Variants in ELMOD2 observed in about 807,000 individuals in gnomAD.
The protein encoded by ELMOD2 is ELMO domain-containing protein 2.
ELMOD2 carries 28 observed loss-of-function variants against 41.0 expected under a neutral mutation model. The observed-to-expected ratio is 0.68, with a 90% CI of 0.51 to 0.94. The LOEUF is 0.94. ELMOD2 is among the 40% of genes least tolerant of loss of function. ELMOD2 has a pLI of 0.00. For synonymous variants in ELMOD2, 106 were observed against 107.2 expected, an observed-to-expected ratio of 0.99 and a Z score of 0.07; for missense variants, 333 against 343.1, an observed-to-expected ratio of 0.97 and a Z score of 0.23.
At chr4:140,526,447 G>C (rs551179274) in intron 2 of ELMOD2, among the ~76,000 whole-genome samples, 3 of 152,294 alleles carry the variant, frequency 2.0e-5, no homozygotes, top group East Asian at 1.9e-4. Flanking sequence ...CTTCTTTTCA[G>C]CCAGGGTAAG....
Position 140,535,718 on chromosome 4 carries a change from CT to C in ELMOD2, c.172-11del. The C allele has an allele frequency of 1.2e-6, 2 of 1,601,406 alleles. No individual in the cohort carries two copies. Among genetic ancestry groups the C allele is most frequent in the Non-Finnish European group, 1.7e-6 (2 of 1,175,776 alleles). On this transcript the variant is annotated splice_polypyrimidine_tract_variant and intron_variant, in intron 3 of 8. Coordinates refer to ENST00000323570, the MANE Select transcript of ELMOD2 (RefSeq NM_153702.4). Reference sequence around the variant, plus strand: ...CAAAGAATTTTTCTCATTTGGCTTTCTTTTACATAAATAGGTTTTACAGAAG... The same window carrying C: ...CAAAGAATTTTTCTCATTTGGCTTTCTTTACATAAATAGGTTTTACAGAAG...
intron 4 of ELMOD2, among the ~76,000 whole-genome samples, chr4:140,536,440 T>G (rs955147289): frequency 2.6e-5 from 4 of 152,166 alleles, no homozygotes; most frequent in African/African-American, 9.7e-5. Context: ...AGGAGGGAAC[T>G]GAGGATAGTT....
chr4:140,532,166 G>GT (rs56301474), intron 3 of ELMOD2, among the ~76,000 whole-genome samples: 33,320 of 137,564 alleles, frequency 0.24, 3,980 homozygotes, highest in Admixed American at 0.29. Context: ...ATGTTGAGTT[G>GT]TTTTTTTTTT....
At chr4:140,543,686 T>C in intron 8 of ELMOD2, 100 bp downstream of exon 8, 7 of 973,414 alleles carry the variant, frequency 7.2e-6, no homozygotes, top group Non-Finnish European at 9.7e-6. Flanking sequence ...CTGTGAAGTA[T>C]ATAACTTATG....
intron 3 of ELMOD2, among the ~76,000 whole-genome samples, chr4:140,528,510 A>G (rs979468252): frequency 5.3e-5 from 8 of 152,300 alleles, no homozygotes; most frequent in East Asian, 1.9e-4. Flanking sequence ...GGAATTTTTT[A>G]TACTATTATA....
intron 3 of ELMOD2, among the ~76,000 whole-genome samples, chr4:140,528,412 A>G (rs1278453996): frequency 2.6e-5 from 4 of 152,224 alleles, no homozygotes; most frequent in Non-Finnish European, 1.5e-5. Context: ...AAATCCCATA[A>G]TAGAACACAA....
intron 6 of ELMOD2, 111 bp from the exon 7 acceptor site, chr4:140,542,463 C>T (rs1303088286): frequency 1.4e-6 from 1 of 711,944 alleles, no homozygotes; most frequent in East Asian, 2.7e-5. Flanking sequence ...TATCAGGATA[C>T]TCATGGCAAT....
intron 3 of ELMOD2, among the ~76,000 whole-genome samples, chr4:140,535,137 TTC>T (rs10526729): frequency 0.016 from 2,265 of 141,450 alleles, 52 homozygotes; most frequent in African/African-American, 0.052. Flanking sequence ...ATCTGTTTCT[TTC>T]TCTCTCTCTC....
intron 6 of ELMOD2, among the ~76,000 whole-genome samples, chr4:140,541,704 C>T (rs1481372807): frequency 1.3e-5 from 2 of 151,992 alleles, no homozygotes; most frequent in East Asian, 3.8e-4. Flanking sequence ...TCCTGGATTC[C>T]CCTTCATTCA....
chr4:140,543,944 T>C (rs1449771760), intron 8 of ELMOD2, among the ~76,000 whole-genome samples: 1 of 152,142 alleles, frequency 6.6e-6, no homozygotes, highest in African/African-American at 2.4e-5. Flanking sequence ...CAGATTATTT[T>C]TTTACTTTTG....
In ELMOD2 at chr4:140,540,743, T is replaced by TA. The variant is rs11297411; in HGVS notation, c.533+459dup. Reference sequence around the variant, plus strand: ...GGGTGACAGAGCAAGACCCTGTCTTTAAAAAAAAAAAAAAAAAGACATTGG... The same window carrying TA: ...GGGTGACAGAGCAAGACCCTGTCTTTAAAAAAAAAAAAAAAAAAGACATTGG... On this transcript the variant is annotated intron_variant, in intron 6 of 8. Transcript: ENST00000323570. Among the ~76,000 whole-genome samples the TA allele has an allele frequency of 1.9e-3, 272 of 142,620 alleles. 1 individual carries two copies. Among genetic ancestry groups the TA allele is most frequent in the African/African-American group, 6.7e-3 (259 of 38,750 alleles). The allele number at this position is 142,620 out of a possible 152,430, so 93.6% of individuals were successfully genotyped here. A position where few individuals can be genotyped will look rare whatever the true frequency, so the allele number is the denominator to read the frequency against.
chr4:140,527,443 T>A (rs1734603904), intron 2 of ELMOD2, 23 bp from the exon 3 acceptor site: 1 of 1,073,356 alleles, frequency 9.3e-7, no homozygotes, highest in African/African-American at 1.7e-5. Context: ...GATAACATCT[T>A]TTTTTTTTTT....
chr4:140,542,541 C>G, intron 6 of ELMOD2, 33 bp from the exon 7 acceptor site: 1 of 1,492,628 alleles, frequency 6.7e-7, no homozygotes, highest in Middle Eastern at 1.7e-4. Flanking sequence ...GAATGGCGTA[C>G]ATTTGTTTGA....
At chr4:140,529,010 C>A (rs979959792) in intron 3 of ELMOD2, among the ~76,000 whole-genome samples, 6 of 152,284 alleles carry the variant, frequency 3.9e-5, no homozygotes, top group African/African-American at 1.4e-4. Context: ...TTAGCAGATG[C>A]ACTTGGGGAG....
chr4:140,549,925 G>A (rs1030403533), intron 8 of ELMOD2, among the ~76,000 whole-genome samples: 4 of 151,850 alleles, frequency 2.6e-5, no homozygotes, highest in African/African-American at 7.3e-5. Flanking sequence ...GGCCTCAAGC[G>A]ATCTGCCCAC....
intron 3 of ELMOD2, among the ~76,000 whole-genome samples, chr4:140,534,011 G>A (rs944577832): frequency 6.6e-6 from 1 of 152,112 alleles, no homozygotes; most frequent in Non-Finnish European, 1.5e-5. Context: ...TATCACTTTG[G>A]AAGTGGTTTT....
At chr4:140,532,994 A>G (rs1046065887) in intron 3 of ELMOD2, among the ~76,000 whole-genome samples, 1 of 152,214 alleles carries the variant, frequency 6.6e-6, no homozygotes, top group Non-Finnish European at 1.5e-5. Context: ...TTACAAAAGC[A>G]TCCAGAAAAC....
At chr4:140,537,087 C>T (rs935876509) in intron 4 of ELMOD2, among the ~76,000 whole-genome samples, 6 of 152,112 alleles carry the variant, frequency 3.9e-5, no homozygotes, top group Admixed American at 1.3e-4. Flanking sequence ...TATATATACT[C>T]GGAAAATTAA....
rs538049880 is a variant in ELMOD2 at position 140,552,970 on chromosome 4, T to C, written c.*2595T>C. 5.6e-4 allele frequency: 85 copies of C among 152,246 alleles called. 1 individual carries two copies. Among genetic ancestry groups the C allele is most frequent in the African/African-American group, 2.0e-3 (84 of 41,568 alleles). 9.4% of individuals were successfully genotyped at this position (152,246 alleles called of 1,614,324 possible). A position where few individuals can be genotyped will look rare whatever the true frequency, so the allele number is the denominator to read the frequency against. On this transcript the variant is annotated 3_prime_UTR_variant, in exon 9 of 9. Transcript: ENST00000323570. ...TGATGTAGCTAGATATAAAAATCAG[T>C]GTCTTACTGGCACCATTTACAGTTT...
Sources: allele counts gnomAD v4.1 joint callset (sites outside exome capture counted in the v4.1 genomes callset), GRCh38; gene constraint gnomAD v4.1.1; transcripts MANE v1.5; gene names NCBI Gene and HGNC (gene_info 2026-07-23, HGNC 2026-07-21).